The following MAST4 variants were observed in gnomAD, a reference collection of about 807,000 sequenced individuals.
MAST4 encodes microtubule-associated serine/threonine-protein kinase 4.
In MAST4, 89 loss-of-function variants were observed where a neutral mutation model predicts 162.7. The ratio of observed to expected loss-of-function variants is 0.55; its 90% CI spans 0.46 to 0.65. The LOEUF is 0.65. Ranked by LOEUF, MAST4 falls within the 30% of genes least tolerant of loss-of-function variation. MAST4 has a pLI of 0.00. For missense variants in MAST4, 3,153 were observed against 3,374.0 expected (o/e 0.93, Z 1.62); for synonymous variants, 1,479 against 1,361.1 (o/e 1.09, Z -1.91).
Position 67,102,604 on chromosome 5 carries a change from T to A in MAST4, c.1139T>A (p.Phe380Tyr). Reference sequence around the variant, plus strand: ...ATGAACCATGTCTACAAAGAAAGGTTCCCAAAGGTAATGAATTGAATTGAA... The same window carrying A: ...ATGAACCATGTCTACAAAGAAAGGTACCCAAAGGTAATGAATTGAATTGAA... The part of the protein sequence containing the change: ...IMMNHVYKER[F>Y]PKATAQMEER... Residue 380 changes from phenylalanine to tyrosine, a missense_variant, in exon 9 of 29, where the codon TTC (phenylalanine) becomes TAC (tyrosine). By Grantham distance (22) the Phe-to-Tyr change is conservative. Transcript: ENST00000403625. The A allele has an allele frequency of 6.2e-7, 1 of 1,613,328 alleles. No individual in the cohort carries two copies.
chr5:67,068,364 G>A (rs1760496967), intron 5 of MAST4, among the ~76,000 whole-genome samples: 1 of 152,198 alleles, frequency 6.6e-6, no homozygotes, highest in African/African-American at 2.4e-5. Context: ...ATGGCGGAAG[G>A]TGAAGGGGGA....
chr5:66,840,036 T>G (rs1758308083), intron 3 of MAST4, among the ~76,000 whole-genome samples: 1 of 151,792 alleles, frequency 6.6e-6, no homozygotes, highest in South Asian at 2.1e-4. Flanking sequence ...TAGCTTCACT[T>G]TTTTTTTGAG....
At chr5:67,005,110 G>A (rs1395694098) in intron 4 of MAST4, 3 of 737,470 alleles carry the variant, frequency 4.1e-6, no homozygotes, top group East Asian at 2.5e-5. Flanking sequence ...ATCTCTGCCT[G>A]GAGAGGGAAT....
At chr5:66,907,518 T>C (rs1364427939) in intron 4 of MAST4, among the ~76,000 whole-genome samples, 1 of 151,906 alleles carries the variant, frequency 6.6e-6, no homozygotes, top group African/African-American at 2.4e-5. Flanking sequence ...ATTTCTAAAA[T>C]TGGAATTTCT....
At chr5:67,012,898 C>A (rs1752863171) in intron 4 of MAST4, among the ~76,000 whole-genome samples, 2 of 152,170 alleles carry the variant, frequency 1.3e-5, no homozygotes, top group South Asian at 4.1e-4. Flanking sequence ...AATATCACAA[C>A]TGACATATCA....
At chr5:66,910,417 G>T (rs192970793) in intron 4 of MAST4, among the ~76,000 whole-genome samples, 141 of 152,278 alleles carry the variant, frequency 9.3e-4, no homozygotes, top group African/African-American at 3.2e-3. Flanking sequence ...ATTCTGTATT[G>T]TTCTCTCTTT....
chr5:66,640,775 G>A (rs1262746278), intron 1 of MAST4, among the ~76,000 whole-genome samples: 1 of 152,140 alleles, frequency 6.6e-6, no homozygotes, highest in Admixed American at 6.5e-5. Flanking sequence ...ACCGTATGGT[G>A]GTTCTATGTT....
intron 14 of MAST4, among the ~76,000 whole-genome samples, chr5:67,124,332 A>G (rs1767937826): frequency 6.6e-6 from 1 of 151,950 alleles, no homozygotes; most frequent in Admixed American, 6.6e-5. Context: ...GTTCAGTACA[A>G]CTTCTAACAC....
chr5:67,025,196 A>G (rs1447052819), intron 4 of MAST4, among the ~76,000 whole-genome samples: 2 of 152,196 alleles, frequency 1.3e-5, no homozygotes, highest in Admixed American at 6.6e-5. Flanking sequence ...GAAACCAATT[A>G]TAATGAAAGA....
chr5:67,165,132 C>G lies in MAST4; in HGVS notation c.5953C>G (p.Arg1985Gly), dbSNP rs979845338. Residue 1985 changes from arginine (R) to glycine (G), a missense_variant, in exon 29 of 29, where the codon CGC (arginine) becomes GGC (glycine). Around this residue, in one of 7 missense-constraint regions of MAST4, gnomAD observed 1,644 missense variants for 1,495.0 expected, o/e 1.10. Transcript: ENST00000403625. ...ERGPPTARSE[R>G]SAARADTCRE... ...AGGCCCTCCCACAGCCAGAAGCGAG[C>G]GCTCTGCTGCGAGGGCTGACACATG... The G allele has an allele frequency of 1.3e-6, 2 of 1,588,570 alleles. No individual in the cohort carries two copies. The highest frequency in any genetic ancestry group is 1.8e-5 in the Admixed American group (1 of 55,502).
intron 1 of MAST4, among the ~76,000 whole-genome samples, chr5:66,752,594 A>G (rs1271868203): frequency 6.8e-6 from 1 of 147,506 alleles, no homozygotes; most frequent in Non-Finnish European, 1.5e-5. Flanking sequence ...AGAAGAGCTA[A>G]CTATCCTAAA....
At chr5:66,675,588 T>C (rs1002910542) in intron 1 of MAST4, among the ~76,000 whole-genome samples, 1 of 152,152 alleles carries the variant, frequency 6.6e-6, no homozygotes, top group South Asian at 2.1e-4. Flanking sequence ...GAGTGATGCC[T>C]GGAGGCATCT....
intron 4 of MAST4, among the ~76,000 whole-genome samples, chr5:66,950,221 ACTTTTTTTTT>A (rs376015529): frequency 0.068 from 10,287 of 151,614 alleles, 1,086 homozygotes; most frequent in African/African-American, 0.23. Flanking sequence ...AAACTAGTAT[ACTTTTTTTTT>A]CTTTTTTTTT....
chr5:66,830,214 C>T (rs1481735287), intron 3 of MAST4, among the ~76,000 whole-genome samples: 1 of 152,086 alleles, frequency 6.6e-6, no homozygotes, highest in East Asian at 1.9e-4. Flanking sequence ...TTTTCTCTTT[C>T]CTTTAATTCA....
chr5:66,886,925 A>C (rs1186101645), intron 3 of MAST4, among the ~76,000 whole-genome samples: 8 of 151,410 alleles, frequency 5.3e-5, no homozygotes, highest in African/African-American at 2.0e-4. Flanking sequence ...TTCTGATCCC[A>C]AAAAACCACA....
intron 1 of MAST4, among the ~76,000 whole-genome samples, chr5:66,748,581 C>T (rs933439105): frequency 3.6e-4 from 55 of 151,310 alleles, no homozygotes; most frequent in African/African-American, 7.1e-4. Flanking sequence ...CACTGCCTCT[C>T]GGGTTCAAGC....
At chr5:66,838,734 C>T (rs115324628) in intron 3 of MAST4, among the ~76,000 whole-genome samples, 3,290 of 152,134 alleles carry the variant, frequency 0.022, 101 homozygotes, top group African/African-American at 0.073. Context: ...GGATTCTAGG[C>T]GGAGGAAGCA....
At chr5:67,124,719 G>A (rs1243558122) in intron 14 of MAST4, among the ~76,000 whole-genome samples, 1 of 152,152 alleles carries the variant, frequency 6.6e-6, no homozygotes, top group East Asian at 1.9e-4. Context: ...ATTGGTTTAG[G>A]TCGGTTTTCC....
chr5:67,050,319 C>G (rs896163661), intron 4 of MAST4, among the ~76,000 whole-genome samples: 2 of 152,178 alleles, frequency 1.3e-5, no homozygotes, highest in Non-Finnish European at 1.5e-5. Context: ...AAAAACCATG[C>G]AGACAAAACA....
Sources: gnomAD v4.1 joint callset for allele counts (sites outside exome capture counted in the v4.1 genomes callset) on GRCh38, gnomAD v4.1.1 for gene constraint, gnomAD v4.1.1 regional missense constraint, MANE v1.5 for transcripts, NCBI Gene and HGNC (gene_info 2026-07-23, HGNC 2026-07-21) for gene names.